Variants in ASTN1 observed in about 807,000 individuals in gnomAD.
The protein encoded by ASTN1 is astrotactin 1, also known as astrotactin-1.
In ASTN1, 41 loss-of-function variants were observed where a neutral mutation model predicts 140.7. The observed-to-expected ratio is 0.29, with a 90% CI of 0.23 to 0.38. ASTN1 has a LOEUF of 0.38. ASTN1 is among the 10% of genes least tolerant of loss of function. ASTN1 has a pLI of 1.00. For missense variants in ASTN1, 1,479 were observed against 1,678.8 expected (o/e 0.88, Z 2.08); for synonymous variants, 640 against 652.2 (o/e 0.98, Z 0.29).
rs146519325 is a variant in ASTN1 at position 177,077,075 on chromosome 1, G to A, written c.284-15810C>T. On this transcript the variant is annotated intron_variant, in intron 1 of 22. Coordinates refer to ENST00000361833, the MANE Select transcript of ASTN1 (RefSeq NM_004319.3). ...AAAATGGAAGCAATTAAGTCTGCAG[G>A]TGTGCGTATTTGTCATATTAATGAT... 2.5e-3 allele frequency among the ~76,000 whole-genome samples: 381 copies of A among 152,234 alleles called. 1 individual carries two copies. Among genetic ancestry groups the A allele is most frequent in the Middle Eastern group, 6.8e-3 (2 of 294 alleles).
intron 8 of ASTN1, among the ~76,000 whole-genome samples, chr1:177,010,014 C>G (rs1414528842): frequency 6.6e-6 from 1 of 152,134 alleles, no homozygotes; most frequent in African/African-American, 2.4e-5. Context: ...AAAATTGTAT[C>G]TAGAGGCCCT....
intron 16 of ASTN1, among the ~76,000 whole-genome samples, chr1:176,918,498 G>A (rs1670589110): frequency 6.6e-6 from 1 of 152,052 alleles, no homozygotes; most frequent in Non-Finnish European, 1.5e-5. Flanking sequence ...AATTATTATA[G>A]TAACTGGCAC....
intron 16 of ASTN1, among the ~76,000 whole-genome samples, chr1:176,896,392 ATCACT>A (rs1669507982): frequency 2.0e-5 from 3 of 152,256 alleles, no homozygotes; most frequent in South Asian, 4.2e-4. Context: ...TAGCCCTCAA[ATCACT>A]TCACCCATGA....
chr1:176,938,883 G>T (rs1004289570), intron 14 of ASTN1, among the ~76,000 whole-genome samples: 18 of 152,162 alleles, frequency 1.2e-4, no homozygotes, highest in African/African-American at 4.1e-4. Context: ...GGAGGCCGAG[G>T]CAGGCAGATC....
chr1:177,000,333 G>T (rs537670558), intron 8 of ASTN1, among the ~76,000 whole-genome samples: 1 of 152,298 alleles, frequency 6.6e-6, no homozygotes, highest in East Asian at 1.9e-4. Context: ...ATTTTACATA[G>T]TGATTTGAAC....
At chr1:177,063,803 T>G (rs1678217467) in intron 1 of ASTN1, among the ~76,000 whole-genome samples, 1 of 152,078 alleles carries the variant, frequency 6.6e-6, no homozygotes, top group African/African-American at 2.4e-5. Flanking sequence ...GACATAAAAA[T>G]CACAAGCTGT....
chr1:177,037,356 C>T (rs1312850613), intron 2 of ASTN1, among the ~76,000 whole-genome samples: 1 of 152,146 alleles, frequency 6.6e-6, no homozygotes, highest in Non-Finnish European at 1.5e-5. Context: ...AACAATTGTC[C>T]TCTGGATTCT....
chr1:177,090,262 C>T lies in ASTN1; in HGVS notation c.284-28997G>A, dbSNP rs577674196. 1.8e-3 allele frequency among the ~76,000 whole-genome samples: 280 copies of T among 151,748 alleles called. 2 individuals are homozygous for T. The highest frequency in any genetic ancestry group is 2.4e-3 in the Non-Finnish European group (166 of 67,918). ...CCTGTTTATCTAGTATAGAGATTCA[C>T]TGTATTTCTTACTGTCTGTCTTCCC... On this transcript the variant is annotated intron_variant, in intron 1 of 22. Coordinates refer to ENST00000361833, the MANE Select transcript of ASTN1 (RefSeq NM_004319.3).
chr1:177,040,370 C>A (rs552346498), intron 2 of ASTN1, among the ~76,000 whole-genome samples: 1 of 152,164 alleles, frequency 6.6e-6, no homozygotes, highest in Non-Finnish European at 1.5e-5. Context: ...GCCCAGCCCG[C>A]GCTGCCTTGT....
intron 1 of ASTN1, among the ~76,000 whole-genome samples, chr1:177,105,671 A>G (rs1680516181): frequency 6.6e-6 from 1 of 151,590 alleles, no homozygotes; most frequent in Non-Finnish European, 1.5e-5. Context: ...ACATTTATGC[A>G]GAAAATAGAA....
chr1:176,923,037 A>G (rs992705938), intron 16 of ASTN1, among the ~76,000 whole-genome samples: 1 of 152,168 alleles, frequency 6.6e-6, no homozygotes, highest in African/African-American at 2.4e-5. Flanking sequence ...CATTTTACAG[A>G]CATGGAAACT....
intron 1 of ASTN1, among the ~76,000 whole-genome samples, chr1:177,145,274 AG>A (rs1465297304): frequency 2.0e-5 from 3 of 152,166 alleles, no homozygotes; most frequent in Non-Finnish European, 2.9e-5. Flanking sequence ...TTTAATACCA[AG>A]GCCCCTGGGA....
chr1:176,873,267 A>C (rs145593217), intron 21 of ASTN1, among the ~76,000 whole-genome samples: 86 of 152,228 alleles, frequency 5.6e-4, no homozygotes, highest in Admixed American at 1.8e-3. Context: ...AAGCTTCATG[A>C]AGAACTCTCG....
At chr1:177,111,760 C>T (rs149884934) in intron 1 of ASTN1, among the ~76,000 whole-genome samples, 154 of 152,270 alleles carry the variant, frequency 1.0e-3, no homozygotes, top group African/African-American at 3.5e-3. Flanking sequence ...ATCTAGACAA[C>T]TGCTGGGCAT....
At chr1:176,955,452 A>G (rs991478574) in intron 11 of ASTN1, among the ~76,000 whole-genome samples, 2 of 152,142 alleles carry the variant, frequency 1.3e-5, no homozygotes, top group Admixed American at 6.5e-5. Flanking sequence ...TCACCAGCCA[A>G]TGAGAAAAAG....
At chr1:177,122,545 C>A (rs967631822) in intron 1 of ASTN1, among the ~76,000 whole-genome samples, 32 of 152,120 alleles carry the variant, frequency 2.1e-4, no homozygotes, top group Admixed American at 2.1e-3. Flanking sequence ...CTTCCCTATC[C>A]TGCTGCGCCT....
intron 8 of ASTN1, among the ~76,000 whole-genome samples, chr1:176,970,035 G>A (rs1673069463): frequency 2.0e-5 from 3 of 152,212 alleles, no homozygotes; most frequent in Admixed American, 2.0e-4. Context: ...AGAACTAGTG[G>A]TAATCTTTTA....
Position 177,033,441 on chromosome 1 carries a change from G to T in ASTN1, c.472-592C>A, listed in dbSNP as rs184228622. ...GAATTAGGTTAGCTAACTATGTAAAGTGCCTAGCATAATATATCTCACACA... is the reference window on the plus strand; with the variant it reads ...GAATTAGGTTAGCTAACTATGTAAATTGCCTAGCATAATATATCTCACACA... On this transcript the variant is annotated intron_variant, in intron 2 of 22. Transcript: ENST00000361833. 5.3e-5 allele frequency among the ~76,000 whole-genome samples: 8 copies of T among 152,280 alleles called. No individual in the cohort carries two copies. In the East Asian group the frequency reaches 1.5e-3, roughly 29 times the overall value.
intron 1 of ASTN1, among the ~76,000 whole-genome samples, chr1:177,145,793 G>C (rs1300487363): frequency 1.3e-5 from 2 of 152,170 alleles, no homozygotes; most frequent in Non-Finnish European, 2.9e-5. Flanking sequence ...TTGTAATAGA[G>C]ATATAAACCA....
Sources: gnomAD v4.1 joint callset for allele counts (sites outside exome capture counted in the v4.1 genomes callset) on GRCh38, gnomAD v4.1.1 for gene constraint, MANE v1.5 for transcripts, NCBI Gene and HGNC (gene_info 2026-07-23, HGNC 2026-07-21) for gene names.